Variants in LRIF1 observed in about 807,000 individuals in gnomAD.
LRIF1 encodes the protein ligand-dependent nuclear receptor-interacting factor 1.
LRIF1 carries 32 observed loss-of-function variants against 52.7 expected under a neutral mutation model. That is an observed-to-expected ratio of 0.61 (90% CI 0.46 to 0.82). The LOEUF is 0.82. LRIF1 is among the 40% of genes least tolerant of loss of function. The pLI is 0.00. For missense variants in LRIF1, 887 were observed against 892.0 expected, an observed-to-expected ratio of 0.99 and a Z score of 0.07; for synonymous variants, 323 against 317.4, an observed-to-expected ratio of 1.02 and a Z score of -0.19.
the LRIF1 span, chr1:110,899,126 G>C: frequency 6.2e-7 from 1 of 1,613,542 alleles, no homozygotes; most frequent in Non-Finnish European, 8.5e-7. Context: ...TTTCACAGGT[G>C]TTGGGGATGT....
At position 110,955,255 on chromosome 1, in the gene LRIF1, A is replaced by C. The variant is rs972752692; in HGVS notation, c.69-2440T>G. 2.6e-5 allele frequency among the ~76,000 whole-genome samples: 4 copies of C among 152,238 alleles called. No individual in the cohort carries two copies. The East Asian group carries it at 5.8e-4, about 22-fold the overall frequency. On this transcript the variant is annotated intron_variant, in intron 1 of 3. Transcript: ENST00000369763. ...CTTATTCCTTATATTCAGTGATCAC[A>C]AAATCCTGTTGATATTGTCTCCTAA...
At chr1:110,882,074 C>T in the LRIF1 span, among the ~76,000 whole-genome samples, 2 of 152,130 alleles carry the variant, frequency 1.3e-5, no homozygotes, top group African/African-American at 4.8e-5. Context: ...CTTGTCTTTT[C>T]ATTCTCTTAA....
rs1244849543 is a variant in LRIF1, at chr1:110,948,200, T to C, written c.2069A>G (p.Glu690Gly). 3 of 1,614,012 alleles carry C rather than the reference T, an allele frequency of 1.9e-6. No individual in the cohort carries two copies. Among genetic ancestry groups the C allele is most frequent in the Non-Finnish European group, 2.5e-6 (3 of 1,180,002 alleles). ...ILTSHSKTRQEKRTEMEYYTH... is the reference protein window; with the variant it reads ...ILTSHSKTRQGKRTEMEYYTH... ...ATAGTATTCCATCTCAGTTCTCTTT[T>C]CTTGTCTGGTTTTGCTGTGACTCGT... Residue 690 changes from glutamate (E) to glycine (G), a missense_variant, in exon 4 of 4, where the codon GAA becomes GGA. Physicochemically the swap from Glu to Gly is moderately conservative, Grantham distance 98 (BLOSUM62 -2). Coordinates refer to ENST00000369763, the MANE Select transcript of LRIF1 (RefSeq NM_018372.4).
rs1658235939 is a variant in LRIF1 at position 110,947,266 on chromosome 1, T to C, written c.*693A>G. The C allele has an allele frequency of 6.8e-6, 1 of 146,456 alleles. No homozygotes were observed. Among genetic ancestry groups the C allele is most frequent in the African/African-American group, 2.4e-5 (1 of 40,866 alleles). The allele number at this position is 146,456 out of a possible 1,614,324, so 9.1% of individuals were successfully genotyped here. A position where few individuals can be genotyped will look rare whatever the true frequency, so the allele number is the denominator to read the frequency against. On this transcript the variant is annotated 3_prime_UTR_variant, in exon 4 of 4. Transcript: ENST00000369763. ...CTTTTTACACAATCTCAGTAACGTA[T>C]GTACATAGTCCCAAAAAAAAAAAAA... is the stretch of plus-strand genomic sequence containing the variant.
At chr1:110,886,741 G>A in the LRIF1 span, among the ~76,000 whole-genome samples, 6 of 151,216 alleles carry the variant, frequency 4.0e-5, no homozygotes, top group South Asian at 2.1e-4. Context: ...CCAGCTACTC[G>A]GGAGGCTGAT....
chr1:110,951,925 GTTT>G lies in LRIF1; in HGVS notation c.956_958del (p.Lys319del). On this transcript the variant is annotated inframe_deletion, in exon 2 of 4. Transcript: ENST00000369763. ...TCCCAAATTTTTCCTATCTACAAAA[GTTT>G]TTAAAATCTTTGAAGCCACATTATT... is the stretch of plus-strand genomic sequence containing the variant. 6.2e-7 allele frequency: 1 copy of G among 1,614,006 alleles called. No individual in the cohort carries two copies. The highest frequency in any genetic ancestry group is 8.5e-7 in the Non-Finnish European group (1 of 1,179,990).
chr1:110,914,414 G>A, the LRIF1 span, among the ~76,000 whole-genome samples: 1 of 152,174 alleles, frequency 6.6e-6, no homozygotes, highest in Non-Finnish European at 1.5e-5. Context: ...ATTCAAAGAA[G>A]AGGAAATCTA....
Position 110,947,998 on chromosome 1 carries a change from T to C in LRIF1, c.2271A>G (p.Ala757=), listed in dbSNP as rs766550641. The part of the protein sequence containing the change: ...RLKQVLREKE[A]ALEEMRKKMH... ...TCTTCTTACGCATTTCTTCAAGAGC[T>C]GCTTCTTTCTCTCTCAGCACCTGCT... The change falls in exon 4 of 4, where the codon GCA becomes GCG. Residue 757 remains alanine, a synonymous_variant. Coordinates refer to ENST00000369763, the MANE Select transcript of LRIF1 (RefSeq NM_018372.4). The C allele has an allele frequency of 1.4e-5, 23 of 1,594,290 alleles. No homozygotes were observed. Among genetic ancestry groups the C allele is most frequent in the Non-Finnish European group, 1.8e-5 (21 of 1,172,520 alleles).
chr1:110,952,981 A>G, intron 1 of LRIF1, 166 bp from the exon 2 acceptor site: 1 of 301,738 alleles, frequency 3.3e-6, no homozygotes, highest in Non-Finnish European at 5.7e-6. Context: ...GAAGTAGAAG[A>G]GATAATGATA....
In LRIF1 at chr1:110,950,032, T is replaced by G; in HGVS notation, c.1688A>C (p.His563Pro). 1 of 1,613,988 alleles carries G rather than the reference T, an allele frequency of 6.2e-7. No individual in the cohort carries two copies. The highest frequency in any genetic ancestry group is 8.5e-7 in the Non-Finnish European group (1 of 1,179,864). ...DSQGRSNKALHLKSDAEFKKI... is the reference protein window; with the variant it reads ...DSQGRSNKALPLKSDAEFKKI... ...TTTAAATTCAGCATCACTCTTCAGATGTAATGCCTTATTACTTCTTCCTTG... is the reference window on the plus strand; with the variant it reads ...TTTAAATTCAGCATCACTCTTCAGAGGTAATGCCTTATTACTTCTTCCTTG... The change falls in exon 3 of 4, where the codon CAT (histidine) becomes CCT (proline). Residue 563 changes from histidine to proline, a missense_variant. Transcript: ENST00000369763.
At chr1:110,952,934 G>C in intron 1 of LRIF1, 119 bp from the exon 2 acceptor site, 1 of 582,346 alleles carries the variant, frequency 1.7e-6, no homozygotes, top group East Asian at 4.4e-5. Context: ...TTTCCATTTT[G>C]AGTTTTTAAA....
chr1:110,897,819 C>T, the LRIF1 span: 38 of 1,605,370 alleles, frequency 2.4e-5, no homozygotes, highest in South Asian at 9.9e-5. Flanking sequence ...GGTTGCTATG[C>T]GAAAGCAAGA....
chr1:110,906,544 A>G, the LRIF1 span, among the ~76,000 whole-genome samples: 45 of 152,186 alleles, frequency 3.0e-4, 1 homozygote, highest in African/African-American at 1.1e-3. Flanking sequence ...ATCCTGTCTC[A>G]AAAGAGAGAC....
chr1:110,933,515 T>C, the LRIF1 span, among the ~76,000 whole-genome samples: 1 of 151,854 alleles, frequency 6.6e-6, no homozygotes, highest in African/African-American at 2.4e-5. Context: ...AGAGGCCAGG[T>C]TGTGTGGAGG....
chr1:110,963,671 C>G lies in LRIF1; in HGVS notation c.18G>C (p.Arg6=). The G allele has an allele frequency of 6.2e-7, 1 of 1,608,484 alleles. No homozygotes were observed. Among genetic ancestry groups the G allele is most frequent in the South Asian group, 1.1e-5 (1 of 90,714 alleles). The change falls in exon 1 of 4, where the codon CGG becomes CGC. Residue 6 remains arginine (R), a synonymous_variant. Coordinates refer to ENST00000369763, the MANE Select transcript of LRIF1 (RefSeq NM_018372.4). ...CCTCTGCGGGTTTCAGGAAGACCCTCCGTAGGTTATTTGACATTTTAGTGG... is the reference window on the plus strand; with the variant it reads ...CCTCTGCGGGTTTCAGGAAGACCCTGCGTAGGTTATTTGACATTTTAGTGG... MSNNL[R]RVFLKPAEEN...
chr1:110,896,824 C>A, the LRIF1 span: 1 of 1,076,770 alleles, frequency 9.3e-7, no homozygotes, highest in African/African-American at 1.6e-5. Context: ...CCTAGACCTT[C>A]TATTGAGAAA....
At chr1:110,945,707 G>T (rs968464018), downstream of LRIF1, among the ~76,000 whole-genome samples, 6 of 152,212 alleles carry the variant, frequency 3.9e-5, no homozygotes, top group Admixed American at 1.3e-4. Flanking sequence ...GATTACAGGT[G>T]TGAGCCACTG....
At chr1:110,955,855 C>G (rs982716906) in intron 1 of LRIF1, among the ~76,000 whole-genome samples, 1 of 152,060 alleles carries the variant, frequency 6.6e-6, no homozygotes, top group Non-Finnish European at 1.5e-5. Context: ...TGAGCCAGTT[C>G]AGGGAAGAAA....
chr1:110,945,246 T>C (rs1389425527), downstream of LRIF1: 1 of 152,130 alleles, frequency 6.6e-6, no homozygotes, highest in Non-Finnish European at 1.5e-5. Flanking sequence ...CAAAAATATA[T>C]GTATGTATGA....
Sources: allele counts gnomAD v4.1 joint callset (sites outside exome capture counted in the v4.1 genomes callset), GRCh38; gene constraint gnomAD v4.1.1; transcripts MANE v1.5; gene names NCBI Gene and HGNC (gene_info 2026-07-23, HGNC 2026-07-21).